The following ELOVL7 variants were observed in gnomAD, a reference collection of about 807,000 sequenced individuals.
ELOVL7 encodes ELOVL fatty acid elongase 7.
ELOVL7 carries 27 observed loss-of-function variants against 35.7 expected under a neutral mutation model. The observed-to-expected ratio is 0.76, with a 90% CI of 0.56 to 1.04. The LOEUF (loss-of-function observed/expected upper bound fraction) is 1.04. Among genes scored for constraint, ELOVL7 ranks in the 50% least tolerant of loss-of-function variants. ELOVL7 has a pLI of 0.00. For missense variants in ELOVL7, 327 were observed against 340.8 expected, an observed-to-expected ratio of 0.96 and a Z score of 0.32; for synonymous variants, 113 against 114.6, an observed-to-expected ratio of 0.99 and a Z score of 0.09.
intron 3 of ELOVL7, chr5:60,785,754 A>C (rs1414668802): frequency 1.3e-5 from 2 of 152,250 alleles, no homozygotes; most frequent in Non-Finnish European, 2.9e-5. Flanking sequence ...AAAAAAAGTT[A>C]AGAAAAGATA....
rs1215193919 is a variant in ELOVL7, at chr5:60,753,378, A to G, written c.*1246T>C. ...TATGCCAAACGAATTTCAGTCCTTCATTACATGGTTTATAGGTCTGGAAAC... is the reference window on the plus strand; with the variant it reads ...TATGCCAAACGAATTTCAGTCCTTCGTTACATGGTTTATAGGTCTGGAAAC... On this transcript the variant is annotated 3_prime_UTR_variant, in exon 9 of 9. Coordinates refer to ENST00000508821, the MANE Select transcript of ELOVL7 (RefSeq NM_024930.3). 1 of 152,182 alleles carries G rather than the reference A, an allele frequency of 6.6e-6. No homozygotes were observed. The highest frequency in any genetic ancestry group is 1.5e-5 in the Non-Finnish European group (1 of 68,032). The allele number at this position is 152,182 out of a possible 1,614,324, so 9.4% of individuals were successfully genotyped here. A position where few individuals can be genotyped will look rare whatever the true frequency, so the allele number is the denominator to read the frequency against.
chr5:60,832,762 T>G (rs1189709442), intron 1 of ELOVL7, among the ~76,000 whole-genome samples: 1 of 151,872 alleles, frequency 6.6e-6, no homozygotes, highest in Non-Finnish European at 1.5e-5. Flanking sequence ...CTTCCATGAG[T>G]GAGATACTCA....
chr5:60,843,758 C>G (rs1042278220), intron 1 of ELOVL7, among the ~76,000 whole-genome samples: 2 of 152,100 alleles, frequency 1.3e-5, no homozygotes, highest in Non-Finnish European at 2.9e-5. Flanking sequence ...CCTCCCGCTC[C>G]GCTCCGCAGG....
chr5:60,792,883 T>C (rs767797356), intron 2 of ELOVL7, among the ~76,000 whole-genome samples: 11 of 152,194 alleles, frequency 7.2e-5, no homozygotes, highest in African/African-American at 2.7e-4. Context: ...ACAAGAGAAC[T>C]GGATAGAGAA....
rs1741407256 is a variant in ELOVL7 at position 60,754,394 on chromosome 5, A to AAACAAC, written c.*229_*230insGTTGTT. 1 of 513,166 alleles carries AAACAAC rather than the reference A, an allele frequency of 1.9e-6. No homozygotes were observed. Among genetic ancestry groups the AAACAAC allele is most frequent in the South Asian group, 2.6e-5 (1 of 39,044 alleles). The allele number at this position is 513,166 out of a possible 1,614,324, so 31.8% of individuals were successfully genotyped here. A position where few individuals can be genotyped will look rare whatever the true frequency, so the allele number is the denominator to read the frequency against. ...TTTGGATTAGGTTTAAAAGCAGCTA[A>AAACAAC]AAAAACAAAAACAAAAACAAAAACA... is the stretch of plus-strand genomic sequence containing the variant. On this transcript the variant is annotated 3_prime_UTR_variant, in exon 9 of 9. Transcript: ENST00000508821.
intron 1 of ELOVL7, among the ~76,000 whole-genome samples, chr5:60,836,750 A>G (rs1211283932): frequency 1.3e-5 from 2 of 151,992 alleles, no homozygotes; most frequent in African/African-American, 2.4e-5. Flanking sequence ...TTGGGACAGA[A>G]AGAAGGAGAA....
chr5:60,778,400 G>A (rs1372915403), intron 3 of ELOVL7, among the ~76,000 whole-genome samples: 4 of 152,100 alleles, frequency 2.6e-5, no homozygotes, highest in African/African-American at 9.7e-5. Context: ...CCCGAGACTG[G>A]GTAATTTATC....
intron 2 of ELOVL7, among the ~76,000 whole-genome samples, chr5:60,797,431 A>T (rs1038077097): frequency 6.6e-5 from 10 of 152,208 alleles, no homozygotes; most frequent in African/African-American, 2.4e-4. Context: ...AAAGCAAAGA[A>T]AGTTTTGTCT....
chr5:60,792,867 T>C (rs899139269), intron 2 of ELOVL7, among the ~76,000 whole-genome samples: 5 of 152,190 alleles, frequency 3.3e-5, no homozygotes, highest in African/African-American at 1.2e-4. Context: ...CACCAGACTA[T>C]TGAGCACAAG....
chr5:60,771,376 C>T (rs1007787116), intron 4 of ELOVL7, among the ~76,000 whole-genome samples: 12 of 152,192 alleles, frequency 7.9e-5, no homozygotes, highest in African/African-American at 2.9e-4. Context: ...AATTAAGGAA[C>T]AGGCTCCCTC....
At position 60,829,203 on chromosome 5, in the gene ELOVL7, C is replaced by T. The variant is rs183476428; in HGVS notation, c.-86+14957G>A. Among the ~76,000 whole-genome samples the T allele has an allele frequency of 5.9e-5, 9 of 152,006 alleles. No homozygotes were observed. The East Asian group carries it at 1.7e-3, about 29-fold the overall frequency. ...GCATACTAGGAGATGGTTCTTGTTC[C>T]TCATCTAAATATTTCCCAATTCTTT... On this transcript the variant is annotated intron_variant, in intron 1 of 8. Transcript: ENST00000508821.
chr5:60,818,319 G>GAAAAAAAAAAAAAAAAAAAAAAAA (rs60141189), intron 1 of ELOVL7, among the ~76,000 whole-genome samples: 1 of 70,592 alleles, frequency 1.4e-5, no homozygotes, highest in Non-Finnish European at 2.6e-5. Context: ...TTCCATCTCA[G>GAAAAAAAAAAAAAAAAAAAAAAAA]AAAAAAAAAA....
intron 1 of ELOVL7, among the ~76,000 whole-genome samples, chr5:60,819,060 G>GCATGATATA (rs1745721078): frequency 4.2e-3 from 1 of 240 alleles, no homozygotes; most frequent in Non-Finnish European, 0.013. Context: ...GGAGGGGAGG[G>GCATGATATA]GAGGGGAGGG....
rs867217794 is a variant in ELOVL7 at position 60,754,507 on chromosome 5, C to T, written c.*117G>A. ...AATATCAGACATCCCAATAACTTAC[C>T]ATAAAAATACAAGCTCTTAGTTTTG... On this transcript the variant is annotated 3_prime_UTR_variant, in exon 9 of 9. Transcript: ENST00000508821. 9.0e-6 allele frequency: 8 copies of T among 888,210 alleles called. No homozygotes were observed. The Middle Eastern group carries it at 1.5e-3, about 168-fold the overall frequency. 55.0% of individuals were successfully genotyped at this position (888,210 alleles called of 1,614,324 possible).
rs1379259534 is a variant in ELOVL7, at chr5:60,812,711, G to C, written c.-85-13481C>G. Reference sequence around the variant, plus strand: ...CACAAAGGTTGAGAACCTCCCTCTTGCTAAACCTAAAGGCTTATCCTAAGT... The same window carrying C: ...CACAAAGGTTGAGAACCTCCCTCTTCCTAAACCTAAAGGCTTATCCTAAGT... On this transcript the variant is annotated intron_variant, in intron 1 of 8. Coordinates refer to ENST00000508821, the MANE Select transcript of ELOVL7 (RefSeq NM_024930.3). Among the ~76,000 whole-genome samples the C allele has an allele frequency of 4.7e-4, 72 of 152,062 alleles. 1 individual carries two copies. Among genetic ancestry groups the C allele is most frequent in the Non-Finnish European group, 4.4e-5 (3 of 68,016 alleles).
chr5:60,796,789 T>C (rs1486474898), intron 2 of ELOVL7, among the ~76,000 whole-genome samples: 1 of 152,210 alleles, frequency 6.6e-6, no homozygotes, highest in Non-Finnish European at 1.5e-5. Context: ...TCATAACTAA[T>C]CAAAAGTTAA....
At chr5:60,793,609 T>G (rs921898) in intron 2 of ELOVL7, among the ~76,000 whole-genome samples, 26,655 of 152,082 alleles carry the variant, frequency 0.18, 3,985 homozygotes, top group African/African-American at 0.41. Flanking sequence ...ATCCTGCTGC[T>G]AAGGGGATGT....
chr5:60,828,832 A>G (rs529716756), intron 1 of ELOVL7, among the ~76,000 whole-genome samples: 1 of 152,176 alleles, frequency 6.6e-6, no homozygotes, highest in Non-Finnish European at 1.5e-5. Flanking sequence ...GTATCATCCT[A>G]TTACCCAAGA....
intron 1 of ELOVL7, among the ~76,000 whole-genome samples, chr5:60,801,244 C>T (rs1465258881): frequency 3.9e-5 from 6 of 152,056 alleles, no homozygotes; most frequent in South Asian, 2.1e-4. Flanking sequence ...AGAGGAATCT[C>T]GGATTTTGGT....
Sources: gnomAD v4.1 joint callset for allele counts (sites outside exome capture counted in the v4.1 genomes callset) on GRCh38, gnomAD v4.1.1 for gene constraint, MANE v1.5 for transcripts, NCBI Gene and HGNC (gene_info 2026-07-23, HGNC 2026-07-21) for gene names.